KCTD16: variants seen among roughly 807,000 people sequenced by gnomAD.
The protein encoded by KCTD16 is BTB/POZ domain-containing protein KCTD16.
Under a neutral mutation model 33.2 loss-of-function variants are expected in KCTD16, and 13 were observed. That is an observed-to-expected ratio of 0.39 (90% CI 0.25 to 0.62). The LOEUF is 0.62. Among genes scored for constraint, KCTD16 ranks in the 20% least tolerant of loss-of-function variants. The pLI, the probability that KCTD16 is intolerant of heterozygous loss-of-function variation, is 0.50. For synonymous variants in KCTD16, 197 were observed against 195.3 expected, an observed-to-expected ratio of 1.01 and a Z score of -0.07; for missense variants, 441 against 525.1, an observed-to-expected ratio of 0.84 and a Z score of 1.57.
intron 3 of KCTD16, among the ~76,000 whole-genome samples, chr5:144,211,617 A>G (rs1374136576): frequency 6.6e-6 from 1 of 152,216 alleles, no homozygotes; most frequent in Non-Finnish European, 1.5e-5. Flanking sequence ...ATGTCATTAC[A>G]TATATGCAAA....
chr5:144,264,034 T>C (rs897386051), intron 3 of KCTD16, among the ~76,000 whole-genome samples: 1 of 152,180 alleles, frequency 6.6e-6, no homozygotes, highest in Non-Finnish European at 1.5e-5. Flanking sequence ...CATCTCCTAA[T>C]ACCATCACAC....
chr5:144,176,751 C>T (rs940024312), intron 2 of KCTD16, among the ~76,000 whole-genome samples: 1 of 152,116 alleles, frequency 6.6e-6, no homozygotes, highest in South Asian at 2.1e-4. Context: ...TTATTATACT[C>T]AACAAGAGAA....
At chr5:144,321,118 G>C (rs893060464) in intron 3 of KCTD16, among the ~76,000 whole-genome samples, 1 of 152,108 alleles carries the variant, frequency 6.6e-6, no homozygotes, top group Non-Finnish European at 1.5e-5. Context: ...GCCTCCCAAG[G>C]TGTTGGGATT....
At chr5:144,427,495 T>A (rs1230050300) in intron 3 of KCTD16, among the ~76,000 whole-genome samples, 1 of 152,116 alleles carries the variant, frequency 6.6e-6, no homozygotes, top group Non-Finnish European at 1.5e-5. Flanking sequence ...CTCCTTATAT[T>A]TTCTGATACA....
intron 3 of KCTD16, among the ~76,000 whole-genome samples, chr5:144,353,865 C>T (rs769729992): frequency 1.9e-4 from 28 of 149,682 alleles, no homozygotes; most frequent in Non-Finnish European, 1.0e-4. Flanking sequence ...CTTATCAACT[C>T]TGGTGTTTTA....
chr5:144,237,238 C>G (rs1449681940), intron 3 of KCTD16, among the ~76,000 whole-genome samples: 3 of 152,042 alleles, frequency 2.0e-5, no homozygotes, highest in Non-Finnish European at 4.4e-5. Context: ...AAAATAATTT[C>G]CAGCGAAGTT....
At chr5:144,352,688 G>C (rs1451043984) in intron 3 of KCTD16, among the ~76,000 whole-genome samples, 1 of 152,154 alleles carries the variant, frequency 6.6e-6, no homozygotes, top group African/African-American at 2.4e-5. Context: ...AATTTTTCAC[G>C]TGCTTCAGTG....
intron 3 of KCTD16, among the ~76,000 whole-genome samples, chr5:144,285,408 T>C (rs1447797914): frequency 6.6e-6 from 1 of 152,192 alleles, no homozygotes; most frequent in Non-Finnish European, 1.5e-5. Flanking sequence ...CTTAATGTTC[T>C]CTCTTTTCAT....
intron 3 of KCTD16, among the ~76,000 whole-genome samples, chr5:144,372,830 G>T (rs914128864): frequency 2.0e-5 from 3 of 152,222 alleles, no homozygotes; most frequent in Non-Finnish European, 4.4e-5. Context: ...CCTTTGGAGG[G>T]CTGTTAGCCC....
chr5:144,222,136 T>G (rs910108656), intron 3 of KCTD16, among the ~76,000 whole-genome samples: 1 of 152,174 alleles, frequency 6.6e-6, no homozygotes, highest in Admixed American at 6.5e-5. Flanking sequence ...GTGAATTTTT[T>G]AAAGTTCTTT....
At chr5:144,408,885 T>C (rs1252208333) in intron 3 of KCTD16, among the ~76,000 whole-genome samples, 4 of 152,210 alleles carry the variant, frequency 2.6e-5, no homozygotes, top group African/African-American at 9.7e-5. Context: ...TCTCCCACTT[T>C]CTTAACTTCA....
chr5:144,252,326 T>C (rs952190874), intron 3 of KCTD16, among the ~76,000 whole-genome samples: 1 of 152,182 alleles, frequency 6.6e-6, no homozygotes, highest in African/African-American at 2.4e-5. Flanking sequence ...AAATAGCCCA[T>C]GTCTGGGGCT....
At chr5:144,198,038 A>G (rs1427797639) in intron 2 of KCTD16, among the ~76,000 whole-genome samples, 4 of 152,108 alleles carry the variant, frequency 2.6e-5, no homozygotes, top group Non-Finnish European at 1.5e-5. Context: ...ACCTCTTTGT[A>G]GTAGTGGGTT....
chr5:144,265,330 C>T (rs752996077), intron 3 of KCTD16, among the ~76,000 whole-genome samples: 28 of 152,182 alleles, frequency 1.8e-4, no homozygotes, highest in Non-Finnish European at 2.6e-4. Context: ...GTATAATATC[C>T]TGCTTTTCCA....
At chr5:144,447,596 G>A (rs929878080) in intron 3 of KCTD16, among the ~76,000 whole-genome samples, 12 of 151,844 alleles carry the variant, frequency 7.9e-5, no homozygotes, top group East Asian at 3.9e-4. Context: ...AAAATGCATG[G>A]AATTTACAGG....
At chr5:144,312,479 G>A (rs1025004847) in intron 3 of KCTD16, among the ~76,000 whole-genome samples, 7 of 152,122 alleles carry the variant, frequency 4.6e-5, no homozygotes, top group Non-Finnish European at 8.8e-5. Context: ...CTTGTGGAAG[G>A]AAGCCAAGTC....
chr5:144,256,788 C>CA (rs1754861689), intron 3 of KCTD16, among the ~76,000 whole-genome samples: 2 of 151,648 alleles, frequency 1.3e-5, no homozygotes, highest in Admixed American at 1.3e-4. Flanking sequence ...TATTGTATAC[C>CA]AAAAACTTTA....
chr5:144,345,050 T>C (rs573490199), intron 3 of KCTD16, among the ~76,000 whole-genome samples: 2 of 151,996 alleles, frequency 1.3e-5, no homozygotes, highest in Non-Finnish European at 2.9e-5. Flanking sequence ...TTCATGTCCT[T>C]TGTAGGGACA....
intron 3 of KCTD16, among the ~76,000 whole-genome samples, chr5:144,301,277 T>G (rs543686908): frequency 6.7e-6 from 1 of 149,630 alleles, no homozygotes; most frequent in East Asian, 2.0e-4. Flanking sequence ...TGAAGGACAT[T>G]GAATGCAATG....
Sources: allele counts gnomAD v4.1 joint callset (sites outside exome capture counted in the v4.1 genomes callset), GRCh38; gene constraint gnomAD v4.1.1; transcripts MANE v1.5; gene names NCBI Gene and HGNC (gene_info 2026-07-23, HGNC 2026-07-21).